Variants in STAC2 observed in about 807,000 individuals in gnomAD.
The protein encoded by STAC2 is SH3 and cysteine rich domain 2, also known as SH3 and cysteine-rich domain-containing protein 2.
In STAC2, 36 loss-of-function variants were observed where a neutral mutation model predicts 49.0. The observed-to-expected ratio is 0.74, with a 90% confidence interval of 0.56 to 0.97. STAC2 has a LOEUF of 0.97. STAC2 is among the 50% of genes least tolerant of loss of function. STAC2 has a pLI of 0.00. For synonymous variants in STAC2, 239 were observed against 214.7 expected, an observed-to-expected ratio of 1.11 and a Z score of -0.99; for missense variants, 527 against 543.8, an observed-to-expected ratio of 0.97 and a Z score of 0.31.
At chr17:39,213,182 G>A in intron 9 of STAC2, 50 bp from the exon 10 acceptor site, 1 of 1,594,408 alleles carries the variant, frequency 6.3e-7, no homozygotes, top group Non-Finnish European at 8.5e-7. Context: ...CACCCCTGCT[G>A]CCCACCACTG....
chr17:39,213,497 GC>G lies in STAC2; in HGVS notation c.993+9del, dbSNP rs2046373097. The stretch of plus-strand genomic sequence containing the variant: ...CCAGTGTCCCTCCACTCCCCACCCT[GC>G]CAAGTCACCTTCCACCAGTCCTCGT... On this transcript the variant is annotated intron_variant, in intron 9 of 10. Coordinates refer to ENST00000333461, the MANE Select transcript of STAC2 (RefSeq NM_198993.5). 1 of 1,613,328 alleles carries G rather than the reference GC, an allele frequency of 6.2e-7. No individual in the cohort carries two copies. Among genetic ancestry groups the G allele is most frequent in the Admixed American group, 1.7e-5 (1 of 59,958 alleles).
rs5820281 is a variant in STAC2, at chr17:39,211,289, CT to C, written c.*1002del. The C allele has an allele frequency of 7.1e-4, 99 of 139,162 alleles. No individual in the cohort carries two copies. The highest frequency in any genetic ancestry group is 1.1e-3 in the East Asian group (5 of 4,654). 8.6% of individuals were successfully genotyped at this position (139,162 alleles called of 1,614,324 possible). Reference sequence around the variant, plus strand: ...CTCTTGGGTTTCCTTTTCTTTCTTTCTTTTTTTTTTTTTGAGACGGAGTCTC... The same window carrying C: ...CTCTTGGGTTTCCTTTTCTTTCTTTCTTTTTTTTTTTTGAGACGGAGTCTC... On this transcript the variant is annotated 3_prime_UTR_variant, in exon 11 of 11. Coordinates refer to ENST00000333461, the MANE Select transcript of STAC2 (RefSeq NM_198993.5).
rs542869399 is a variant in STAC2, at chr17:39,212,928, G to A, written c.1131+67C>T. On this transcript the variant is annotated intron_variant, in intron 10 of 10. Transcript: ENST00000333461. ...CCTGCAGAGCATTTACCCCCGCACC[G>A]CAGCCTGTCTCCCCCGCCCACTCCC... 7.6e-5 allele frequency: 121 copies of A among 1,587,440 alleles called. 1 individual carries two copies. Among genetic ancestry groups the A allele is most frequent in the South Asian group, 3.6e-4 (32 of 88,418 alleles).
chr17:39,220,134 G>A (rs1392377000), intron 1 of STAC2, among the ~76,000 whole-genome samples: 1 of 152,226 alleles, frequency 6.6e-6, no homozygotes, highest in Non-Finnish European at 1.5e-5. Context: ...ATAGCACTGT[G>A]GGCTTCTTTG....
chr17:39,222,106 T>G (rs35421081), intron 1 of STAC2, among the ~76,000 whole-genome samples: 27,637 of 152,172 alleles, frequency 0.18, 4,981 homozygotes, highest in African/African-American at 0.47. Flanking sequence ...AAAGGGCTAC[T>G]CCCTCTCATA....
chr17:39,216,170 T>C (rs3889904), intron 4 of STAC2, among the ~76,000 whole-genome samples: 21,896 of 151,750 alleles, frequency 0.14, 5,119 homozygotes, highest in African/African-American at 0.49. Flanking sequence ...AATTTAGAGA[T>C]AGGGTCTCAC....
In STAC2 at chr17:39,215,323, G is replaced by A. The variant is rs2046392895; in HGVS notation, c.587-93C>T. The A allele has an allele frequency of 6.1e-6, 8 of 1,307,022 alleles. No individual in the cohort carries two copies. In the East Asian group the frequency reaches 1.9e-4, roughly 31 times the overall value. 81.0% of individuals were successfully genotyped at this position (1,307,022 alleles called of 1,614,324 possible). On this transcript the variant is annotated intron_variant, in intron 4 of 10. Coordinates refer to ENST00000333461, the MANE Select transcript of STAC2 (RefSeq NM_198993.5). ...ATGCCCCAGGCTGAGCTTCCCAGCT[G>A]CCCCCTCACCTGTCCCTCCCAGGTC...
At chr17:39,214,158 GC>G in intron 8 of STAC2, 74 bp downstream of exon 8, 2 of 1,525,802 alleles carry the variant, frequency 1.3e-6, no homozygotes, top group African/African-American at 1.4e-5. Context: ...GTTCCTGAAG[GC>G]CCCCCTCACA....
rs890996190 is a variant in STAC2, at chr17:39,211,967, C to G, written c.*325G>C. On this transcript the variant is annotated 3_prime_UTR_variant, in exon 11 of 11. Coordinates refer to ENST00000333461, the MANE Select transcript of STAC2 (RefSeq NM_198993.5). ...CTGGGAGAAGCAGCAAATAAATTCC[C>G]CAGGAATCTTCCCCAGGGCTGGACT... 1 of 273,206 alleles carries G rather than the reference C, an allele frequency of 3.7e-6. No homozygotes were observed. Among genetic ancestry groups the G allele is most frequent in the East Asian group, 7.9e-5 (1 of 12,660 alleles). The allele number at this position is 273,206 out of a possible 1,614,324, so 16.9% of individuals were successfully genotyped here.
At chr17:39,215,934 C>T (rs1369664195) in intron 4 of STAC2, among the ~76,000 whole-genome samples, 1 of 152,046 alleles carries the variant, frequency 6.6e-6, no homozygotes, top group Non-Finnish European at 1.5e-5. Flanking sequence ...CACTGTGATC[C>T]GCCCGCCTCG....
chr17:39,215,939 G>C (rs1329250684), intron 4 of STAC2, among the ~76,000 whole-genome samples: 2 of 152,036 alleles, frequency 1.3e-5, no homozygotes, highest in African/African-American at 4.8e-5. Context: ...TGATCCGCCC[G>C]CCTCGGCCTC....
intron 4 of STAC2, 132 bp from the exon 5 acceptor site, chr17:39,215,362 A>G (rs2046393091): frequency 9.0e-6 from 8 of 893,358 alleles, no homozygotes; most frequent in South Asian, 7.8e-5. Flanking sequence ...CTCATCCCAG[A>G]GATGGCTCTG....
Position 39,214,300 on chromosome 17 carries a change from C to G in STAC2, c.874G>C (p.Gly292Arg). The part of the protein sequence containing the change: ...LPKATLRKDV[G>R]PMYSYVALYK... The stretch of plus-strand genomic sequence containing the variant: ...AGTGCAACGTAGGAGTACATGGGCC[C>G]CACATCCTTCCGCAGGGTGGCTTTG... The change falls in exon 8 of 11, where the codon GGG becomes CGG. Residue 292 changes from glycine to arginine, a missense_variant. Coordinates refer to ENST00000333461, the MANE Select transcript of STAC2 (RefSeq NM_198993.5). The G allele has an allele frequency of 6.2e-7, 1 of 1,614,040 alleles. No homozygotes were observed. The highest frequency in any genetic ancestry group is 8.5e-7 in the Non-Finnish European group (1 of 1,179,964).
Position 39,217,959 on chromosome 17 carries a change from A to G in STAC2, c.305T>C (p.Leu102Pro), listed in dbSNP as rs1257518049. 2 of 1,544,018 alleles carry G rather than the reference A, an allele frequency of 1.3e-6. No individual in the cohort carries two copies. The change falls in exon 2 of 11, where the codon CTG (leucine) becomes CCG (proline). Residue 102 changes from leucine to proline, a missense_variant. Transcript: ENST00000333461. ...SPSPCPVPRP[L>P]AALKPVRLHS... ...CAGCCTCACTGGTTTGAGCGCTGCC[A>G]GGGGGCGTGGGACTGGGCATGGGGA...
Position 39,225,355 on chromosome 17 carries a change from G to T in STAC2, c.90+58C>A. ...ACGCCCGGGCCCACAGGAGGACCCCGCCGGGAAGAGGGCGCCCGGGCCCGG... is the reference window on the plus strand; with the variant it reads ...ACGCCCGGGCCCACAGGAGGACCCCTCCGGGAAGAGGGCGCCCGGGCCCGG... On this transcript the variant is annotated intron_variant, in intron 1 of 10. Transcript: ENST00000333461. The surrounding 1 kb of genome is among the most constrained non-coding windows in gnomAD (Gnocchi z 8.2). 4.1e-6 allele frequency: 6 copies of T among 1,477,322 alleles called. No individual in the cohort carries two copies. The highest frequency in any genetic ancestry group is 1.2e-5 in the South Asian group (1 of 83,000). 91.5% of individuals were successfully genotyped at this position (1,477,322 alleles called of 1,614,324 possible).
In STAC2 at chr17:39,225,496, C is replaced by G; in HGVS notation, c.7G>C (p.Glu3Gln). The change falls in exon 1 of 11, where the codon GAG becomes CAG. Residue 3 changes from glutamate to glutamine, a missense_variant. Glu to Gln is a conservative substitution (Grantham distance 29). Coordinates refer to ENST00000333461, the MANE Select transcript of STAC2 (RefSeq NM_198993.5). The surrounding 1 kb of genome is among the most constrained non-coding windows in gnomAD (Gnocchi z 8.2). ...GGTTCGTTCTCCTTCTCGCTCATCT[C>G]GGTCATGGTTCGGGGAGAGGGGAGG... MT[E>Q]MSEKENEPDD... 1 of 1,610,556 alleles carries G rather than the reference C, an allele frequency of 6.2e-7. No individual in the cohort carries two copies. The highest frequency in any genetic ancestry group is 8.5e-7 in the Non-Finnish European group (1 of 1,178,882).
At position 39,217,099 on chromosome 17, in the gene STAC2, G is replaced by A. The variant is rs1263968273; in HGVS notation, c.472C>T (p.His158Tyr). ...VHLWCSEEIS[H>Y]QQCPGKTSTS... ...ACCGTCTTGCCTGGGCATTGCTGGTGGGAGATCTCCTCAGAGCACCAGAGG... is the reference window on the plus strand; with the variant it reads ...ACCGTCTTGCCTGGGCATTGCTGGTAGGAGATCTCCTCAGAGCACCAGAGG... Residue 158 changes from histidine (H) to tyrosine (Y), a missense_variant, in exon 3 of 11, where the codon CAC becomes TAC. By Grantham distance (83) the His-to-Tyr change is moderately conservative. Coordinates refer to ENST00000333461, the MANE Select transcript of STAC2 (RefSeq NM_198993.5). 1.9e-6 allele frequency: 3 copies of A among 1,613,868 alleles called. No individual in the cohort carries two copies. In the African/African-American group the frequency reaches 4.0e-5, roughly 22 times the overall value.
At chr17:39,213,463 G>T in intron 9 of STAC2, 44 bp downstream of exon 9, 1 of 1,611,076 alleles carries the variant, frequency 6.2e-7, no homozygotes, top group Non-Finnish European at 8.5e-7. Flanking sequence ...GGGGCTGCTG[G>T]GGTGCCTACC....
chr17:39,224,261 T>G (rs896078091), intron 1 of STAC2, among the ~76,000 whole-genome samples: 1 of 152,176 alleles, frequency 6.6e-6, no homozygotes, highest in African/African-American at 2.4e-5. Flanking sequence ...TCATTTCTGG[T>G]CCTCACTGTC....
Sources: allele counts gnomAD v4.1 joint callset (sites outside exome capture counted in the v4.1 genomes callset), GRCh38; gene constraint gnomAD v4.1.1; non-coding constraint Gnocchi (gnomAD v3.1); transcripts MANE v1.5; gene names NCBI Gene and HGNC (gene_info 2026-07-23, HGNC 2026-07-21).